LPAR1: variants seen among roughly 807,000 people sequenced by gnomAD.
LPAR1 encodes the protein LPA receptor 1.
Under a neutral mutation model 23.8 loss-of-function variants are expected in LPAR1, and 5 were observed. The ratio of observed to expected loss-of-function variants is 0.21; its 90% CI spans 0.11 to 0.44. LPAR1 has a LOEUF of 0.44. Ranked by LOEUF, LPAR1 falls within the 20% of genes least tolerant of loss-of-function variation. LPAR1 has a pLI of 0.99. For missense variants in LPAR1, 311 were observed against 482.8 expected, an observed-to-expected ratio of 0.64 and a Z score of 3.33; for synonymous variants, 160 against 164.7, an observed-to-expected ratio of 0.97 and a Z score of 0.22.
intron 5 of LPAR1, among the ~76,000 whole-genome samples, chr9:110,911,469 G>T (rs1279519434): frequency 6.6e-6 from 1 of 152,086 alleles, no homozygotes; most frequent in Non-Finnish European, 1.5e-5. Flanking sequence ...TTCAGCCTGG[G>T]AAGTAGAGGC....
chr9:111,034,409 A>G (rs576137579), intron 2 of LPAR1, among the ~76,000 whole-genome samples: 156 of 135,176 alleles, frequency 1.2e-3, no homozygotes, highest in African/African-American at 3.9e-3. Flanking sequence ...AAGAGAGGGG[A>G]AAAAAAATGT....
At chr9:110,914,616 A>G (rs932758581) in intron 5 of LPAR1, among the ~76,000 whole-genome samples, 1 of 152,196 alleles carries the variant, frequency 6.6e-6, no homozygotes, top group African/African-American at 2.4e-5. Flanking sequence ...AAATCTCTAG[A>G]ACAATTCTGG....
intron 5 of LPAR1, among the ~76,000 whole-genome samples, chr9:110,885,464 C>T (rs940164092): frequency 6.6e-6 from 1 of 152,086 alleles, no homozygotes; most frequent in African/African-American, 2.4e-5. Context: ...TCTGAATGTT[C>T]TTATCTACAA....
At chr9:110,969,490 T>TCACC (rs1564198744) in intron 4 of LPAR1, among the ~76,000 whole-genome samples, 2 of 152,104 alleles carry the variant, frequency 1.3e-5, no homozygotes, top group African/African-American at 4.8e-5. Context: ...GATGGGCAGA[T>TCACC]CACCTGAGGT....
chr9:110,907,806 A>G (rs2091598772), intron 5 of LPAR1, among the ~76,000 whole-genome samples: 1 of 152,146 alleles, frequency 6.6e-6, no homozygotes, highest in South Asian at 2.1e-4. Flanking sequence ...AACTACAGAG[A>G]GCATAAGGAT....
chr9:110,950,450 G>T (rs1237367051), intron 4 of LPAR1, among the ~76,000 whole-genome samples: 1 of 124,690 alleles, frequency 8.0e-6, no homozygotes, highest in Non-Finnish European at 1.6e-5. Flanking sequence ...GGGTGACACA[G>T]TAAGACTCTG....
chr9:110,902,984 T>G (rs1207846939), intron 5 of LPAR1, among the ~76,000 whole-genome samples: 1 of 152,178 alleles, frequency 6.6e-6, no homozygotes, highest in Non-Finnish European at 1.5e-5. Context: ...CAATTGTCAT[T>G]GGATGCACGG....
chr9:110,928,287 C>T (rs988114107), intron 5 of LPAR1, among the ~76,000 whole-genome samples: 2 of 152,060 alleles, frequency 1.3e-5, no homozygotes, highest in East Asian at 3.9e-4. Flanking sequence ...GATTTCCTGC[C>T]TTAAAGTATT....
intron 2 of LPAR1, among the ~76,000 whole-genome samples, chr9:111,032,360 G>A (rs4387051): frequency 0.046 from 7,028 of 152,078 alleles, 563 homozygotes; most frequent in African/African-American, 0.16. Context: ...AAGTGCCCCC[G>A]CTTGGTGCTC....
chr9:110,960,299 T>C (rs187541217), intron 4 of LPAR1, among the ~76,000 whole-genome samples: 53 of 152,276 alleles, frequency 3.5e-4, no homozygotes, highest in African/African-American at 1.2e-3. Context: ...TAATAAAATA[T>C]CACATGTACC....
intron 1 of LPAR1, chr9:111,037,776 C>G (rs1234923707): frequency 6.6e-6 from 1 of 152,252 alleles, no homozygotes. Context: ...TCCCGCGCAC[C>G]CACCCCGACC....
At chr9:110,895,873 A>C (rs1448789933) in intron 5 of LPAR1, among the ~76,000 whole-genome samples, 1 of 152,218 alleles carries the variant, frequency 6.6e-6, no homozygotes, top group Admixed American at 6.5e-5. Context: ...GAGGAGCTTC[A>C]TGTTGGCCCC....
At chr9:111,024,252 G>A (rs529735406) in intron 2 of LPAR1, among the ~76,000 whole-genome samples, 22 of 151,616 alleles carry the variant, frequency 1.5e-4, no homozygotes, top group African/African-American at 4.1e-4. Flanking sequence ...AGACTGAACC[G>A]TACAAAACTA....
chr9:111,009,053 G>A (rs1001436774), intron 2 of LPAR1, among the ~76,000 whole-genome samples: 18 of 152,016 alleles, frequency 1.2e-4, no homozygotes, highest in African/African-American at 4.3e-4. Context: ...TACAGATACT[G>A]GGATTATCCA....
At chr9:110,981,608 C>T (rs1306733998) in intron 2 of LPAR1, among the ~76,000 whole-genome samples, 1 of 151,436 alleles carries the variant, frequency 6.6e-6, no homozygotes, top group Non-Finnish European at 1.5e-5. Context: ...AAAAAAATCA[C>T]TGCAGAAACT....
intron 2 of LPAR1, among the ~76,000 whole-genome samples, chr9:111,020,800 T>C (rs1008708631): frequency 2.0e-5 from 3 of 152,226 alleles, no homozygotes; most frequent in South Asian, 4.1e-4. Context: ...GGTTTCCATA[T>C]AATAATCAGC....
chr9:110,905,883 C>T (rs1174805833), intron 5 of LPAR1, among the ~76,000 whole-genome samples: 3 of 152,144 alleles, frequency 2.0e-5, no homozygotes, highest in Admixed American at 2.0e-4. Context: ...GCTCAATACC[C>T]TGAGGTTCAG....
At chr9:110,903,613 T>G (rs2090094325) in intron 5 of LPAR1, among the ~76,000 whole-genome samples, 1 of 151,474 alleles carries the variant, frequency 6.6e-6, no homozygotes, top group South Asian at 2.1e-4. Flanking sequence ...AAGAAGAAAA[T>G]AGACTAAAAA....
chr9:111,017,433 T>G (rs2097474562), intron 2 of LPAR1, among the ~76,000 whole-genome samples: 1 of 152,174 alleles, frequency 6.6e-6, no homozygotes, highest in Non-Finnish European at 1.5e-5. Flanking sequence ...CTACTTCCAG[T>G]AATGGGTGAA....
Sources: gnomAD v4.1 joint callset for allele counts (sites outside exome capture counted in the v4.1 genomes callset) on GRCh38, gnomAD v4.1.1 for gene constraint, MANE v1.5 for transcripts, NCBI Gene and HGNC (gene_info 2026-07-23, HGNC 2026-07-21) for gene names.